BCAM: variants seen among roughly 807,000 people sequenced by gnomAD.
BCAM encodes the protein basal cell adhesion molecule (Lutheran blood group).
In BCAM, 61 loss-of-function variants were observed where a neutral mutation model predicts 72.4. The observed-to-expected ratio is 0.84, with a 90% CI of 0.69 to 1.04. BCAM has a LOEUF of 1.04. BCAM is among the 50% of genes least tolerant of loss of function. The pLI is 0.00. For synonymous variants in BCAM, 408 were observed against 384.2 expected (o/e 1.06, Z -0.73); for missense variants, 909 against 895.0 (o/e 1.02, Z -0.20).
chr19:44,809,243 G>C, intron 1 of BCAM, 37 bp downstream of exon 1: 2 of 1,389,630 alleles, frequency 1.4e-6, no homozygotes, highest in South Asian at 3.0e-5. Flanking sequence ...GGACTGGGGA[G>C]AGGCCCCTGG....
In BCAM at chr19:44,813,115, T is replaced by A. The variant is rs2927475; in HGVS notation, c.505-135T>A. ...TAGTCTGAGTCGGGGACTAGGAATT[T>A]GGACTCCTGGGTCCTGGGAGAGTCG... is the stretch of plus-strand genomic sequence containing the variant. On this transcript the variant is annotated intron_variant, in intron 4 of 14. Coordinates refer to ENST00000270233, the MANE Select transcript of BCAM (RefSeq NM_005581.5). This position sits in a 1 kb window ranked among gnomAD's most constrained non-coding sequence, Gnocchi z 4.2. 1.0e-6 allele frequency: 1 copy of A among 955,482 alleles called. No individual in the cohort carries two copies. 59.2% of individuals were successfully genotyped at this position (955,482 alleles called of 1,614,324 possible).
chr19:44,813,760 C>T lies in BCAM; in HGVS notation c.784+140C>T. ...TAAAAAAAAATGTGCTAGTGCTGGCCACTGACCTCTGACCTCAATTGGTCG... is the reference window on the plus strand; with the variant it reads ...TAAAAAAAAATGTGCTAGTGCTGGCTACTGACCTCTGACCTCAATTGGTCG... On this transcript the variant is annotated intron_variant, in intron 6 of 14. Transcript: ENST00000270233. The surrounding 1 kb of genome is among the most constrained non-coding windows in gnomAD (Gnocchi z 4.2). 2 of 1,237,250 alleles carry T rather than the reference C, an allele frequency of 1.6e-6. No individual in the cohort carries two copies. The highest frequency in any genetic ancestry group is 2.2e-6 in the Non-Finnish European group (2 of 910,716). The allele number at this position is 1,237,250 out of a possible 1,614,324, so 76.6% of individuals were successfully genotyped here.
chr19:44,820,802 A>G lies in BCAM; in HGVS notation c.1861A>G (p.Ser621Gly). 2.0e-6 allele frequency: 3 copies of G among 1,511,336 alleles called. No homozygotes were observed. Among genetic ancestry groups the G allele is most frequent in the Non-Finnish European group, 2.7e-6 (3 of 1,126,974 alleles). The allele number at this position is 1,511,336 out of a possible 1,614,324, so 93.6% of individuals were successfully genotyped here. A position where few individuals can be genotyped will look rare whatever the true frequency, so the allele number is the denominator to read the frequency against. ...GGASGGARGG[S>G]GGFGDEC ...TGCCTCCGGAGGAGCCAGGGGTGGC[A>G]GCGGGGGCTTCGGAGACGAGGTGGG... The change falls in exon 14 of 15, where the codon AGC (serine) becomes GGC (glycine). Residue 621 changes from serine to glycine, a missense_variant. Ser to Gly is a moderately conservative substitution (Grantham distance 56). Coordinates refer to ENST00000270233, the MANE Select transcript of BCAM (RefSeq NM_005581.5).
chr19:44,818,612 C>G lies in BCAM; in HGVS notation c.1169C>G (p.Pro390Arg). 1.9e-6 allele frequency: 3 copies of G among 1,613,924 alleles called. No individual in the cohort carries two copies. Among genetic ancestry groups the G allele is most frequent in the Non-Finnish European group, 2.5e-6 (3 of 1,179,906 alleles). The change falls in exon 9 of 15, where the codon CCC becomes CGC. Residue 390 changes from proline to arginine, a missense_variant. Transcript: ENST00000270233. This position sits in a 1 kb window ranked among gnomAD's most constrained non-coding sequence, Gnocchi z 4.6. ...GTGAACTGCTCCGTGCACGGCCTGCCCACCCCTGCCCTACGCTGGACCAAG... is the reference window on the plus strand; with the variant it reads ...GTGAACTGCTCCGTGCACGGCCTGCGCACCCCTGCCCTACGCTGGACCAAG... ...AVVNCSVHGL[P>R]TPALRWTKDS...
In BCAM at chr19:44,820,786, A is replaced by T. The variant is rs1406698437; in HGVS notation, c.1845A>T (p.Gly615=). 6.6e-7 allele frequency: 1 copy of T among 1,506,856 alleles called. No individual in the cohort carries two copies. The highest frequency in any genetic ancestry group is 8.9e-7 in the Non-Finnish European group (1 of 1,123,566). The allele number at this position is 1,506,856 out of a possible 1,614,324, so 93.3% of individuals were successfully genotyped here. Residue 615 remains glycine, a synonymous_variant, in exon 14 of 15, where the codon GGA becomes GGT. Transcript: ENST00000270233. Reference sequence around the variant, plus strand: ...GCCTTCTCATGGGAGGTGCCTCCGGAGGAGCCAGGGGTGGCAGCGGGGGCT... The same window carrying T: ...GCCTTCTCATGGGAGGTGCCTCCGGTGGAGCCAGGGGTGGCAGCGGGGGCT... ...QTGLLMGGAS[G]GARGGSGGFG...
At position 44,813,706 on chromosome 19, in the gene BCAM, C is replaced by T. The variant is rs1030055627; in HGVS notation, c.784+86C>T. The T allele has an allele frequency of 3.4e-6, 5 of 1,491,686 alleles. No individual in the cohort carries two copies. Among genetic ancestry groups the T allele is most frequent in the Admixed American group, 2.0e-5 (1 of 48,988 alleles). 92.4% of individuals were successfully genotyped at this position (1,491,686 alleles called of 1,614,324 possible). On this transcript the variant is annotated intron_variant, in intron 6 of 14. Coordinates refer to ENST00000270233, the MANE Select transcript of BCAM (RefSeq NM_005581.5). This position sits in a 1 kb window ranked among gnomAD's most constrained non-coding sequence, Gnocchi z 4.2. ...CTCCACCCGGGGGCTTCACACTCCC[C>T]TCTGACCCTCTGCCTCCCTACTTCA...
Position 44,814,118 on chromosome 19 carries a change from G to A in BCAM, c.785-34G>A, listed in dbSNP as rs1380469511. On this transcript the variant is annotated intron_variant, in intron 6 of 14. Coordinates refer to ENST00000270233, the MANE Select transcript of BCAM (RefSeq NM_005581.5). The surrounding 1 kb of genome is among the most constrained non-coding windows in gnomAD (Gnocchi z 4.6). ...GTCCTCTAGCCTTGACCCTTCCCCT[G>A]ATCACAATTCCCATCTCCCTGCCCT... is the stretch of plus-strand genomic sequence containing the variant. The A allele has an allele frequency of 6.4e-7, 1 of 1,554,832 alleles. No individual in the cohort carries two copies. The highest frequency in any genetic ancestry group is 1.9e-5 in the Admixed American group (1 of 52,124).
chr19:44,814,742 C>A lies in BCAM; in HGVS notation c.1060C>A (p.Leu354Met), dbSNP rs532679625. Residue 354 changes from leucine (L) to methionine (M), a missense_variant, in exon 8 of 15, where the codon CTG becomes ATG. Coordinates refer to ENST00000270233, the MANE Select transcript of BCAM (RefSeq NM_005581.5). This position sits in a 1 kb window ranked among gnomAD's most constrained non-coding sequence, Gnocchi z 4.6. ...AADDVQLSKTLELRVAYLDPL... is the reference protein window; with the variant it reads ...AADDVQLSKTMELRVAYLDPL... The stretch of plus-strand genomic sequence containing the variant: ...AGATGACGTGCAGCTCTCCAAGACG[C>A]TGGAGCTGCGCGTGGCCTGTGAGAG... 9.7e-5 allele frequency: 157 copies of A among 1,612,918 alleles called. No individual in the cohort carries two copies. The highest frequency in any genetic ancestry group is 5.7e-4 in the Admixed American group (34 of 59,970).
chr19:44,820,967 A>C lies in BCAM; in HGVS notation c.*46A>C, dbSNP rs200597720. ...TGTCCCTGGACCTGGAGCTGCAGGC[A>C]TCAGAGAACCAGCCCTGCTCACGCC... On this transcript the variant is annotated 3_prime_UTR_variant, in exon 15 of 15. Transcript: ENST00000270233. 5.2e-6 allele frequency: 8 copies of C among 1,532,292 alleles called. No homozygotes were observed. In the Admixed American group the frequency reaches 1.7e-4, roughly 32 times the overall value. The allele number at this position is 1,532,292 out of a possible 1,614,324, so 94.9% of individuals were successfully genotyped here. A position where few individuals can be genotyped will look rare whatever the true frequency, so the allele number is the denominator to read the frequency against.
intron 8 of BCAM, among the ~76,000 whole-genome samples, chr19:44,817,833 C>G (rs561667511): frequency 6.6e-6 from 1 of 152,270 alleles, no homozygotes; most frequent in Non-Finnish European, 1.5e-5. Context: ...CATGAGCCAC[C>G]GTGCCCGGCC....
chr19:44,813,190 A>G lies in BCAM; in HGVS notation c.505-60A>G. 6.4e-7 allele frequency: 1 copy of G among 1,573,578 alleles called. No individual in the cohort carries two copies. Among genetic ancestry groups the G allele is most frequent in the East Asian group, 2.2e-5 (1 of 44,644 alleles). The stretch of plus-strand genomic sequence containing the variant: ...TCTGAGTGGGGAGAACTCCTGAGAG[A>G]GGAGCCCCGACTTCAGAGTCCCAGC... On this transcript the variant is annotated intron_variant, in intron 4 of 14. Coordinates refer to ENST00000270233, the MANE Select transcript of BCAM (RefSeq NM_005581.5). This position sits in a 1 kb window ranked among gnomAD's most constrained non-coding sequence, Gnocchi z 4.2.
At chr19:44,820,674 G>C (rs1294926089) in intron 13 of BCAM, 31 bp from the exon 14 acceptor site, 3 of 1,195,024 alleles carry the variant, frequency 2.5e-6, no homozygotes, top group South Asian at 2.2e-5. Flanking sequence ...CCTCCAACAC[G>C]ACGCCTCCGC....
chr19:44,820,801 C>T lies in BCAM; in HGVS notation c.1860C>T (p.Gly620=), dbSNP rs1349888935. Residue 620 remains glycine (G), a synonymous_variant, in exon 14 of 15, where the codon GGC becomes GGT. Coordinates refer to ENST00000270233, the MANE Select transcript of BCAM (RefSeq NM_005581.5). ...MGGASGGARG[G]SGGFGDEC ...GTGCCTCCGGAGGAGCCAGGGGTGG[C>T]AGCGGGGGCTTCGGAGACGAGGTGG... 4 of 1,510,678 alleles carry T rather than the reference C, an allele frequency of 2.6e-6. No homozygotes were observed. The highest frequency in any genetic ancestry group is 1.3e-5 in the South Asian group (1 of 78,438). 93.6% of individuals were successfully genotyped at this position (1,510,678 alleles called of 1,614,324 possible).
rs1203778544 is a variant in BCAM, at chr19:44,812,644, T to C, written c.504+96T>C. 1.4e-6 allele frequency: 2 copies of C among 1,450,238 alleles called. No homozygotes were observed. The highest frequency in any genetic ancestry group is 1.4e-5 in the African/African-American group (1 of 70,286). 89.8% of individuals were successfully genotyped at this position (1,450,238 alleles called of 1,614,324 possible). ...TGAGGGAGGAGGGGCTGGGGACCCCTGGGTAATAAAGGAGGAGGGGTAAGG... is the reference window on the plus strand; with the variant it reads ...TGAGGGAGGAGGGGCTGGGGACCCCCGGGTAATAAAGGAGGAGGGGTAAGG... On this transcript the variant is annotated intron_variant, in intron 4 of 14. Transcript: ENST00000270233. This position sits in a 1 kb window ranked among gnomAD's most constrained non-coding sequence, Gnocchi z 5.3.
In BCAM at chr19:44,813,271, A is replaced by G. The variant is rs556250482; in HGVS notation, c.526A>G (p.Asn176Asp). Reference sequence around the variant, plus strand: ...TCAGATCGCCACCTGCAACAGCCGGAACGGGAACCCGGCCCCCAAGATCAC... The same window carrying G: ...TCAGATCGCCACCTGCAACAGCCGGGACGGGAACCCGGCCCCCAAGATCAC... Reference protein sequence around the residue: ...AQEIATCNSRNGNPAPKITWY... With the variant: ...AQEIATCNSRDGNPAPKITWY... The change falls in exon 5 of 15, where the codon AAC (asparagine) becomes GAC (aspartate). Residue 176 changes from asparagine (N) to aspartate (D), a missense_variant. By Grantham distance (23) the Asn-to-Asp change is conservative (BLOSUM62 1). Transcript: ENST00000270233. This position sits in a 1 kb window ranked among gnomAD's most constrained non-coding sequence, Gnocchi z 4.2. The G allele has an allele frequency of 1.2e-5, 19 of 1,614,098 alleles. No individual in the cohort carries two copies. The South Asian group carries it at 2.0e-4, about 17-fold the overall frequency.
rs926123889 is a variant in BCAM at position 44,814,131 on chromosome 19, A to G, written c.785-21A>G. 12 of 1,562,456 alleles carry G rather than the reference A, an allele frequency of 7.7e-6. No homozygotes were observed. The highest frequency in any genetic ancestry group is 1.0e-5 in the Non-Finnish European group (12 of 1,162,490). On this transcript the variant is annotated intron_variant, in intron 6 of 14. Transcript: ENST00000270233. The surrounding 1 kb of genome is among the most constrained non-coding windows in gnomAD (Gnocchi z 4.6). ...GACCCTTCCCCTGATCACAATTCCC[A>G]TCTCCCTGCCCTTCCCTTAGATCCC...
In BCAM at chr19:44,812,464, C is replaced by T. The variant is rs777905616; in HGVS notation, c.434-14C>T. ...GCAGGGCAGGGGCTCCTGACGTGAA[C>T]GTCTTTTTCACAGCAAAGCCAGAGG... is the stretch of plus-strand genomic sequence containing the variant. On this transcript the variant is annotated splice_polypyrimidine_tract_variant and intron_variant, in intron 3 of 14. Coordinates refer to ENST00000270233, the MANE Select transcript of BCAM (RefSeq NM_005581.5). The surrounding 1 kb of genome is among the most constrained non-coding windows in gnomAD (Gnocchi z 5.3). 7.4e-6 allele frequency: 12 copies of T among 1,614,098 alleles called. No individual in the cohort carries two copies. Among genetic ancestry groups the T allele is most frequent in the South Asian group, 4.4e-5 (4 of 91,088 alleles).
Position 44,809,183 on chromosome 19 carries a change from C to T in BCAM, c.59C>T (p.Ala20Val). 6.8e-7 allele frequency: 1 copy of T among 1,476,694 alleles called. No individual in the cohort carries two copies. Among genetic ancestry groups the T allele is most frequent in the East Asian group, 3.0e-5 (1 of 33,712 alleles). 91.5% of individuals were successfully genotyped at this position (1,476,694 alleles called of 1,614,324 possible). ...GGGGCCCCGCGGCTGCTGTTGCTCGCAGTCCTGCTGGCGGCGCACCCAGGT... is the reference window on the plus strand; with the variant it reads ...GGGGCCCCGCGGCTGCTGTTGCTCGTAGTCCTGCTGGCGGCGCACCCAGGT... ...ARGAPRLLLL[A>V]VLLAAHPDAQ... The change falls in exon 1 of 15, where the codon GCA becomes GTA. Residue 20 changes from alanine (A) to valine (V), a missense_variant. By Grantham distance (64) the Ala-to-Val change is moderately conservative. Transcript: ENST00000270233.
chr19:44,812,964 A>G lies in BCAM; in HGVS notation c.505-286A>G, dbSNP rs528070791. On this transcript the variant is annotated intron_variant, in intron 4 of 14. Coordinates refer to ENST00000270233, the MANE Select transcript of BCAM (RefSeq NM_005581.5). This position sits in a 1 kb window ranked among gnomAD's most constrained non-coding sequence, Gnocchi z 5.3. ...TACTCCGTCTCAAAAAAAAAAAAAA[A>G]AAGAAGAAGAAAAGAAAAAAGAAAG... 8.6e-3 allele frequency: 3,583 copies of G among 418,134 alleles called. 28 individuals are homozygous for G. The highest frequency in any genetic ancestry group is 0.011 in the Non-Finnish European group (2,684 of 239,474). 25.9% of individuals were successfully genotyped at this position (418,134 alleles called of 1,614,324 possible).
Sources: gnomAD v4.1 joint callset for allele counts (sites outside exome capture counted in the v4.1 genomes callset) on GRCh38, gnomAD v4.1.1 for gene constraint, Gnocchi (gnomAD v3.1) non-coding constraint, MANE v1.5 for transcripts, NCBI Gene and HGNC (gene_info 2026-07-23, HGNC 2026-07-21) for gene names.